Variants in XRCC5 observed in about 807,000 individuals in gnomAD.
The protein encoded by XRCC5 is DNA repair protein Ku80.
Under a neutral mutation model 95.7 loss-of-function variants are expected in XRCC5, and 12 were observed. The observed-to-expected ratio is 0.13, with a 90% CI of 0.08 to 0.20. XRCC5 has a LOEUF of 0.20. XRCC5 is among the 10% of genes least tolerant of loss of function. The pLI is 1.00. For missense variants in XRCC5, 595 were observed against 873.9 expected (o/e 0.68, Z 4.02); for synonymous variants, 281 against 290.3 (o/e 0.97, Z 0.33).
At chr2:216,139,596 A>G (rs368019821) in intron 12 of XRCC5, among the ~76,000 whole-genome samples, 44 of 152,182 alleles carry the variant, frequency 2.9e-4, no homozygotes, top group African/African-American at 1.0e-3. Flanking sequence ...GACACAGCCA[A>G]TTCTGGCTCA....
intron 8 of XRCC5, among the ~76,000 whole-genome samples, chr2:216,129,448 A>G (rs1696947557): frequency 6.6e-6 from 1 of 152,218 alleles, no homozygotes; most frequent in African/African-American, 2.4e-5. Flanking sequence ...GTTATATGCC[A>G]TTTCAGTAGA....
intron 5 of XRCC5, among the ~76,000 whole-genome samples, chr2:216,120,110 C>T (rs932967757): frequency 3.9e-5 from 6 of 152,126 alleles, no homozygotes; most frequent in Admixed American, 6.5e-5. Context: ...CCTTTCTGTA[C>T]GACTGTGGAA....
chr2:216,166,532 G>T (rs1689057465), intron 16 of XRCC5, among the ~76,000 whole-genome samples: 1 of 152,022 alleles, frequency 6.6e-6, no homozygotes, highest in African/African-American at 2.4e-5. Flanking sequence ...CATCATCTGG[G>T]ATTTGTTACC....
intron 16 of XRCC5, among the ~76,000 whole-genome samples, chr2:216,170,186 C>T (rs1689132244): frequency 6.6e-6 from 1 of 150,714 alleles, no homozygotes; most frequent in Non-Finnish European, 1.5e-5. Context: ...TTCTAGTTTA[C>T]ATTTCTCAGT....
At chr2:216,110,062 CTATT>C (rs1479637907) in intron 1 of XRCC5, among the ~76,000 whole-genome samples, 2 of 152,132 alleles carry the variant, frequency 1.3e-5, no homozygotes, top group East Asian at 1.9e-4. Context: ...GAAGTGAAAA[CTATT>C]TATCCCCATT....
chr2:216,120,770 C>T (rs1003904764), intron 5 of XRCC5, among the ~76,000 whole-genome samples: 6 of 152,270 alleles, frequency 3.9e-5, no homozygotes, highest in Admixed American at 1.3e-4. Context: ...GAGTCTCGCA[C>T]TGTTGCCCAG....
rs41301694 is a variant in XRCC5, at chr2:216,159,110, GATA to G, written c.1671-954_1671-952del. Among the ~76,000 whole-genome samples, 536 of 152,188 alleles carry G rather than the reference GATA, an allele frequency of 3.5e-3. 3 individuals carry two copies. Among genetic ancestry groups the G allele is most frequent in the Non-Finnish European group, 5.1e-3 (350 of 68,000 alleles). ...GCATATTTTAAAACATTTTGTACAT[GATA>G]ATATATACAATTTTTATGTTAAAAT... is the stretch of plus-strand genomic sequence containing the variant. On this transcript the variant is annotated intron_variant, in intron 14 of 20. Coordinates refer to ENST00000392132, the MANE Select transcript of XRCC5 (RefSeq NM_021141.4).
rs1689901987 is a variant in XRCC5 at position 216,204,333 on chromosome 2, C to G, written c.2121C>G (p.Pro707=). 1 of 1,613,788 alleles carries G rather than the reference C, an allele frequency of 6.2e-7. No individual in the cohort carries two copies. The stretch of plus-strand genomic sequence containing the variant: ...CTTTCTATTTACAGTTTCTGGCCCC[C>G]AAAGACAAACCAAGTGGAGACACAG... ...TAEEAKKFLA[P]KDKPSGDTAA... Residue 707 remains proline (P), a synonymous_variant, in exon 20 of 21, where the codon CCC becomes CCG. Transcript: ENST00000392132.
At chr2:216,141,565 T>TTTTTTTTTTTTTTTG in intron 13 of XRCC5, among the ~76,000 whole-genome samples, 1 of 55,198 alleles carries the variant, frequency 1.8e-5, no homozygotes, top group Non-Finnish European at 4.7e-5. Context: ...TTTTTTTTTT[T>TTTTTTTTTTTTTTTG]TCCTGGAAGA....
chr2:216,143,846 A>G (rs1278173454), intron 13 of XRCC5, among the ~76,000 whole-genome samples: 4 of 151,460 alleles, frequency 2.6e-5, no homozygotes, highest in Non-Finnish European at 5.9e-5. Context: ...AGCTGGGACT[A>G]CAGATGCCCG....
chr2:216,118,371 T>C (rs1696741266), intron 4 of XRCC5, among the ~76,000 whole-genome samples: 1 of 152,136 alleles, frequency 6.6e-6, no homozygotes, highest in African/African-American at 2.4e-5. Context: ...GCAGAGACGG[T>C]CTCACTATTT....
intron 16 of XRCC5, chr2:216,175,245 C>A: frequency 2.4e-6 from 1 of 410,630 alleles, no homozygotes; most frequent in South Asian, 1.9e-5. Flanking sequence ...TTATATCCAC[C>A]ATTACACCCT....
intron 16 of XRCC5, among the ~76,000 whole-genome samples, chr2:216,170,578 G>A (rs940989449): frequency 3.3e-5 from 5 of 152,158 alleles, no homozygotes; most frequent in African/African-American, 4.8e-5. Flanking sequence ...GTCCTCTGCC[G>A]TGATTCATTC....
At chr2:216,155,443 CA>C (rs199906807) in intron 14 of XRCC5, among the ~76,000 whole-genome samples, 10 of 148,724 alleles carry the variant, frequency 6.7e-5, no homozygotes, top group Non-Finnish European at 1.2e-4. Flanking sequence ...TAAATCAAAG[CA>C]AAAAAAAACA....
chr2:216,157,214 T>C (rs911763567), intron 14 of XRCC5, among the ~76,000 whole-genome samples: 7 of 117,658 alleles, frequency 5.9e-5, no homozygotes, highest in Non-Finnish European at 1.3e-4. Context: ...ATACAACTAT[T>C]TTCTTTTTTT....
intron 1 of XRCC5, 122 bp downstream of exon 1, chr2:216,109,579 G>A: frequency 1.4e-6 from 2 of 1,439,340 alleles, no homozygotes; most frequent in Non-Finnish European, 1.9e-6. Flanking sequence ...GATCATGGTG[G>A]TGGGCTCAGT....
intron 18 of XRCC5, 94 bp downstream of exon 18, chr2:216,192,829 G>C: frequency 1.2e-6 from 1 of 854,582 alleles, no homozygotes; most frequent in Non-Finnish European, 1.7e-6. Flanking sequence ...AATATAAACT[G>C]TATTGTATAA....
intron 14 of XRCC5, among the ~76,000 whole-genome samples, chr2:216,153,890 C>A (rs1488762939): frequency 6.6e-6 from 1 of 152,140 alleles, no homozygotes; most frequent in African/African-American, 2.4e-5. Flanking sequence ...GCCTGTAGGC[C>A]CCTCCAGTTC....
chr2:216,131,436 G>T (rs1398550163), intron 9 of XRCC5, among the ~76,000 whole-genome samples: 1 of 152,148 alleles, frequency 6.6e-6, no homozygotes, highest in African/African-American at 2.4e-5. Context: ...AGATTTCATA[G>T]ATCAGACAAA....
Sources: allele counts gnomAD v4.1 joint callset (sites outside exome capture counted in the v4.1 genomes callset), GRCh38; gene constraint gnomAD v4.1.1; transcripts MANE v1.5; gene names NCBI Gene and HGNC (gene_info 2026-07-23, HGNC 2026-07-21).